Variants in PRKN observed in about 807,000 individuals in gnomAD.
The protein encoded by PRKN is parkin RBR E3 ubiquitin protein ligase.
In PRKN, 56 loss-of-function variants were observed where a neutral mutation model predicts 59.5. The observed-to-expected ratio is 0.94, with a 90% CI of 0.76 to 1.18. The LOEUF (loss-of-function observed/expected upper bound fraction) is 1.18. Ranked by LOEUF, PRKN falls within the 50% of genes most tolerant of loss-of-function variation. PRKN has a pLI of 0.00. For synonymous variants in PRKN, 250 were observed against 222.1 expected, an observed-to-expected ratio of 1.13 and a Z score of -1.12; for missense variants, 657 against 596.4, an observed-to-expected ratio of 1.10 and a Z score of -1.06.
intron 2 of PRKN, among the ~76,000 whole-genome samples, chr6:162,388,860 G>C (rs778892519): frequency 1.3e-5 from 2 of 152,048 alleles, no homozygotes; most frequent in Non-Finnish European, 2.9e-5. Context: ...GTCGGGTATG[G>C]GGGTCTGATG....
At position 162,302,345 on chromosome 6, in the gene PRKN, T is replaced by C. The variant is rs182474548; in HGVS notation, c.172-39580A>G. Among the ~76,000 whole-genome samples, 27 of 151,936 alleles carry C rather than the reference T, an allele frequency of 1.8e-4. No individual in the cohort carries two copies. In the East Asian group the frequency reaches 5.2e-3, roughly 29 times the overall value. ...GTTAGGTTATGTTATAAGACATAGG[T>C]AGCTTTAAGAAAGGATTAACCTAAG... On this transcript the variant is annotated intron_variant, in intron 2 of 11. Transcript: ENST00000366898.
rs533741621 is a variant in PRKN, at chr6:161,750,597, G to A, written c.871+35175C>T. ...GGCCTGACCAACATGGTGAAAACCCGTCTCTACTAAAAGTACAAAAGTAGA... is the reference window on the plus strand; with the variant it reads ...GGCCTGACCAACATGGTGAAAACCCATCTCTACTAAAAGTACAAAAGTAGA... On this transcript the variant is annotated intron_variant, in intron 7 of 11. Transcript: ENST00000366898. Among the ~76,000 whole-genome samples the A allele has an allele frequency of 1.2e-3, 178 of 151,856 alleles. 2 individuals are homozygous for A. Among genetic ancestry groups the A allele is most frequent in the South Asian group, 6.0e-3 (29 of 4,800 alleles).
At chr6:161,949,122 G>T (rs1444888594) in intron 6 of PRKN, among the ~76,000 whole-genome samples, 1 of 152,010 alleles carries the variant, frequency 6.6e-6, no homozygotes, top group Admixed American at 6.6e-5. Context: ...TTCCATGCAG[G>T]ACATGATCCA....
At chr6:162,099,130 T>A (rs1779864660) in intron 4 of PRKN, among the ~76,000 whole-genome samples, 1 of 152,294 alleles carries the variant, frequency 6.6e-6, no homozygotes, top group Non-Finnish European at 1.5e-5. Flanking sequence ...TCCATGCCAT[T>A]TCCAACTTTA....
At position 161,963,397 on chromosome 6, in the gene PRKN, C is replaced by T. The variant is rs983971018; in HGVS notation, c.734+9905G>A. ...TGACATCTCTAGGAAGCTCTGCTGA[C>T]GCAGCTGCTCACATCTGAAGCCCAC... On this transcript the variant is annotated intron_variant, in intron 6 of 11. Coordinates refer to ENST00000366898, the MANE Select transcript of PRKN (RefSeq NM_004562.3). Among the ~76,000 whole-genome samples, 9 of 152,358 alleles carry T rather than the reference C, an allele frequency of 5.9e-5. 1 individual carries two copies. Among genetic ancestry groups the T allele is most frequent in the East Asian group, 3.9e-4 (2 of 5,184 alleles).
In PRKN at chr6:161,662,987, G is replaced by T. The variant is rs542567966; in HGVS notation, c.872-93571C>A. 4.6e-5 allele frequency among the ~76,000 whole-genome samples: 7 copies of T among 152,280 alleles called. No individual in the cohort carries two copies. In the South Asian group the frequency reaches 1.5e-3, roughly 32 times the overall value. The stretch of plus-strand genomic sequence containing the variant: ...CCGGTAGGAGGTAAGTGAATCATAG[G>T]GGTGGGTTTTTCCCGTGCTGTTGTC... On this transcript the variant is annotated intron_variant, in intron 7 of 11. Coordinates refer to ENST00000366898, the MANE Select transcript of PRKN (RefSeq NM_004562.3).
intron 1 of PRKN, among the ~76,000 whole-genome samples, chr6:162,595,694 T>A (rs1016567193): frequency 1.3e-5 from 2 of 152,098 alleles, no homozygotes; most frequent in African/African-American, 4.8e-5. Context: ...AATCCAAAAG[T>A]AAATAAAAAT....
chr6:162,678,679 A>G (rs1399835040), intron 1 of PRKN, among the ~76,000 whole-genome samples: 1 of 152,186 alleles, frequency 6.6e-6, no homozygotes. Context: ...AGTTCTTTAA[A>G]TAGTCTAAAT....
chr6:161,637,712 TA>T (rs10602359), intron 7 of PRKN, among the ~76,000 whole-genome samples: 3,060 of 147,854 alleles, frequency 0.021, 93 homozygotes, highest in African/African-American at 0.068. Flanking sequence ...CTTTTATCCT[TA>T]AAAAAAAAAA....
chr6:162,456,263 T>C lies in PRKN; in HGVS notation c.8-12790A>G, dbSNP rs150912509. ...TCATTCCAGCAATAAGTAAGATTCA[T>C]CCACAGACAGGTTACCATGCATAAA... On this transcript the variant is annotated intron_variant, in intron 1 of 11. Coordinates refer to ENST00000366898, the MANE Select transcript of PRKN (RefSeq NM_004562.3). 8.3e-4 allele frequency among the ~76,000 whole-genome samples: 127 copies of C among 152,274 alleles called. 7 individuals carry two copies. In the East Asian group the frequency reaches 0.017, roughly 20 times the overall value.
At chr6:162,417,101 G>A (rs1788668191) in intron 2 of PRKN, among the ~76,000 whole-genome samples, 1 of 152,130 alleles carries the variant, frequency 6.6e-6, no homozygotes, top group African/African-American at 2.4e-5. Context: ...ACAACACAGG[G>A]TAAGAGATGC....
chr6:161,412,023 AC>A (rs1562430163), intron 9 of PRKN, among the ~76,000 whole-genome samples: 1 of 97,406 alleles, frequency 1.0e-5, no homozygotes, highest in Non-Finnish European at 2.0e-5. Flanking sequence ...TCATTCATTC[AC>A]TCATTCATTC....
At chr6:161,748,958 CG>C (rs1788555609) in intron 7 of PRKN, among the ~76,000 whole-genome samples, 1 of 152,112 alleles carries the variant, frequency 6.6e-6, no homozygotes, top group African/African-American at 2.4e-5. Context: ...CCAGACAAAG[CG>C]AAACAAAACA....
At chr6:162,074,575 C>A (rs1331581852) in intron 4 of PRKN, among the ~76,000 whole-genome samples, 1 of 151,506 alleles carries the variant, frequency 6.6e-6, no homozygotes, top group Non-Finnish European at 1.5e-5. Context: ...CACATGTATA[C>A]GTATGTAACT....
intron 4 of PRKN, among the ~76,000 whole-genome samples, chr6:162,096,279 C>G (rs1365168828): frequency 6.6e-6 from 1 of 152,154 alleles, no homozygotes; most frequent in African/African-American, 2.4e-5. Flanking sequence ...TAAGAATTAG[C>G]TATAAATTAG....
intron 6 of PRKN, among the ~76,000 whole-genome samples, chr6:161,825,470 G>C (rs1057285645): frequency 6.6e-6 from 1 of 152,070 alleles, no homozygotes; most frequent in Non-Finnish European, 1.5e-5. Flanking sequence ...AAATCCTTCT[G>C]GTCTGGGCTG....
At position 161,734,570 on chromosome 6, in the gene PRKN, AGT is replaced by A. The variant is rs1267482368; in HGVS notation, c.871+51200_871+51201del. On this transcript the variant is annotated intron_variant, in intron 7 of 11. Transcript: ENST00000366898. ...ACTGAGGGGTAATACATTTGTGTTAAGTGTGTGGTAATTTGTTGAGCTGCGGC... is the reference window on the plus strand; with the variant it reads ...ACTGAGGGGTAATACATTTGTGTTAAGTGTGGTAATTTGTTGAGCTGCGGC... 3.3e-5 allele frequency among the ~76,000 whole-genome samples: 5 copies of A among 152,200 alleles called. No homozygotes were observed. In the East Asian group the frequency reaches 9.6e-4, roughly 29 times the overall value.
rs569567488 is a variant in PRKN at position 161,356,085 on chromosome 6, C to A, written c.1285+4003G>T. The stretch of plus-strand genomic sequence containing the variant: ...TAGTGGGTTGGGTATTATGACCAAC[C>A]AGTAGTCATGGGACATGAGCTCTCC... On this transcript the variant is annotated intron_variant, in intron 11 of 11. Coordinates refer to ENST00000366898, the MANE Select transcript of PRKN (RefSeq NM_004562.3). The surrounding 1 kb of genome is among the most constrained non-coding windows in gnomAD (Gnocchi z 7.8). 1.3e-5 allele frequency among the ~76,000 whole-genome samples: 2 copies of A among 152,152 alleles called. No homozygotes were observed. Among genetic ancestry groups the A allele is most frequent in the Admixed American group, 1.3e-4 (2 of 15,276 alleles).
chr6:161,512,691 G>A (rs1177538386), intron 9 of PRKN, among the ~76,000 whole-genome samples: 1 of 152,138 alleles, frequency 6.6e-6, no homozygotes, highest in African/African-American at 2.4e-5. Flanking sequence ...TGAGATGATT[G>A]TTCTACACGA....
Sources: allele counts gnomAD v4.1 joint callset (sites outside exome capture counted in the v4.1 genomes callset), GRCh38; gene constraint gnomAD v4.1.1; non-coding constraint Gnocchi (gnomAD v3.1); transcripts MANE v1.5; gene names NCBI Gene and HGNC (gene_info 2026-07-23, HGNC 2026-07-21).